HSPA4L: variants seen among roughly 807,000 people sequenced by gnomAD.
The protein encoded by HSPA4L is heat shock 70 kDa protein 4L.
Under a neutral mutation model 100.3 loss-of-function variants are expected in HSPA4L, and 48 were observed. That is an observed-to-expected ratio of 0.48 (90% confidence interval 0.38 to 0.61). HSPA4L has a LOEUF of 0.61. Ranked by LOEUF, HSPA4L falls within the 20% of genes least tolerant of loss-of-function variation. HSPA4L has a pLI of 0.00. For missense variants in HSPA4L, 886 were observed against 988.6 expected (o/e 0.90, Z 1.39); for synonymous variants, 319 against 328.2 (o/e 0.97, Z 0.30).
At chr4:127,822,484 T>G (rs563975641) in intron 14 of HSPA4L, among the ~76,000 whole-genome samples, 1 of 152,210 alleles carries the variant, frequency 6.6e-6, no homozygotes, top group Non-Finnish European at 1.5e-5. Flanking sequence ...CATACAAATA[T>G]CTGTTCAAGT....
chr4:127,834,983 A>C lies in HSPA4L; in HGVS notation c.*2109A>C, dbSNP rs1428706547. 1.3e-5 allele frequency: 2 copies of C among 152,172 alleles called. No homozygotes were observed. Among genetic ancestry groups the C allele is most frequent in the Non-Finnish European group, 2.9e-5 (2 of 68,020 alleles). 9.4% of individuals were successfully genotyped at this position (152,172 alleles called of 1,614,324 possible). On this transcript the variant is annotated 3_prime_UTR_variant, in exon 19 of 19. Transcript: ENST00000296464. ...CAAATATATATACTTTTTCTACCCA[A>C]TTATTCAACTTAAAAGATTTCAAAA... is the stretch of plus-strand genomic sequence containing the variant.
rs888696089 is a variant in HSPA4L, at chr4:127,835,401, T to C, written c.*2527T>C. 2.0e-5 allele frequency: 3 copies of C among 152,194 alleles called. No individual in the cohort carries two copies. The highest frequency in any genetic ancestry group is 6.5e-5 in the Admixed American group (1 of 15,274). 9.4% of individuals were successfully genotyped at this position (152,194 alleles called of 1,614,324 possible). A position where few individuals can be genotyped will look rare whatever the true frequency, so the allele number is the denominator to read the frequency against. ...GTTTGTGATAATTCCTTAGCAGTAA[T>C]GTAAAATTATTAAGTTTTGGCCAGG... is the stretch of plus-strand genomic sequence containing the variant. On this transcript the variant is annotated 3_prime_UTR_variant, in exon 19 of 19. Coordinates refer to ENST00000296464, the MANE Select transcript of HSPA4L (RefSeq NM_014278.4).
At chr4:127,808,214 T>G in intron 11 of HSPA4L, 85 bp downstream of exon 11, 1 of 1,150,586 alleles carries the variant, frequency 8.7e-7, no homozygotes, top group Non-Finnish European at 1.2e-6. Context: ...AATAGACATT[T>G]CAGCTAAGCC....
upstream of HSPA4L, chr4:127,782,261 C>G (rs1390145058): frequency 2.3e-6 from 1 of 428,114 alleles, no homozygotes; most frequent in Non-Finnish European, 4.3e-6. Flanking sequence ...GCGCGCCTCC[C>G]GGGCAGCCGA....
At position 127,822,804 on chromosome 4, in the gene HSPA4L, A is replaced by G; in HGVS notation, c.1848A>G (p.Glu616=). ...KMIMQDKLEK[E]RNDAKNAVEE... ...TCATGCAAGATAAGTTAGAGAAAGA[A>G]AGAAATGATGCTAAGAATGCCGTTG... Residue 616 remains glutamate, a synonymous_variant, in exon 15 of 19, where the codon GAA becomes GAG. Coordinates refer to ENST00000296464, the MANE Select transcript of HSPA4L (RefSeq NM_014278.4). 6.2e-7 allele frequency: 1 copy of G among 1,613,882 alleles called. No homozygotes were observed. The highest frequency in any genetic ancestry group is 1.1e-5 in the South Asian group (1 of 91,068).
At chr4:127,802,613 G>GT (rs3836724) in intron 6 of HSPA4L, among the ~76,000 whole-genome samples, 1 of 152,102 alleles carries the variant, frequency 6.6e-6, no homozygotes, top group East Asian at 1.9e-4. Context: ...TAAAAAGAAC[G>GT]TTTTTTTCCT....
chr4:127,801,675 A>G, intron 5 of HSPA4L, 110 bp from the exon 6 acceptor site: 1 of 776,414 alleles, frequency 1.3e-6, no homozygotes, highest in Non-Finnish European at 1.9e-6. Flanking sequence ...CTTTGAAGAT[A>G]ATAATATGTA....
At chr4:127,819,818 C>T (rs886745399) in intron 13 of HSPA4L, among the ~76,000 whole-genome samples, 8 of 151,976 alleles carry the variant, frequency 5.3e-5, no homozygotes, top group African/African-American at 1.9e-4. Context: ...TTTTTATGGC[C>T]GAATAATACG....
At chr4:127,824,159 TC>T (rs1733885516) in intron 16 of HSPA4L, among the ~76,000 whole-genome samples, 3 of 152,230 alleles carry the variant, frequency 2.0e-5, no homozygotes, top group Non-Finnish European at 4.4e-5. Flanking sequence ...CTAAGTTGTC[TC>T]AAATGACAGG....
In HSPA4L at chr4:127,784,275, A is replaced by G. The variant is rs949400619; in HGVS notation, c.107+1618A>G. Among the ~76,000 whole-genome samples, 16 of 152,246 alleles carry G rather than the reference A, an allele frequency of 1.1e-4. 1 individual carries two copies. The highest frequency in any genetic ancestry group is 7.9e-4 in the Admixed American group (12 of 15,282). ...TTTTAGTCCTTAAAGCCATATCCTAAAAGATCAGAAACCAGAACAGTAAGA... is the reference window on the plus strand; with the variant it reads ...TTTTAGTCCTTAAAGCCATATCCTAGAAGATCAGAAACCAGAACAGTAAGA... On this transcript the variant is annotated intron_variant, in intron 1 of 18. Coordinates refer to ENST00000296464, the MANE Select transcript of HSPA4L (RefSeq NM_014278.4).
rs1365283331 is a variant in HSPA4L, at chr4:127,832,849, C to T, written c.2495C>T (p.Ser832Phe). 1 of 1,606,382 alleles carries T rather than the reference C, an allele frequency of 6.2e-7. No homozygotes were observed. Among genetic ancestry groups the T allele is most frequent in the African/African-American group, 1.3e-5 (1 of 74,730 alleles). Reference sequence around the variant, plus strand: ...AAAGACAGCTCACAGCATACTAAATCCTCTGGAGAGATGGAAGTGGACTAA... The same window carrying T: ...AAAGACAGCTCACAGCATACTAAATTCTCTGGAGAGATGGAAGTGGACTAA... ...STKDSSQHTKSSGEMEVD is the reference protein window; with the variant it reads ...STKDSSQHTKFSGEMEVD The change falls in exon 19 of 19, where the codon TCC becomes TTC. Residue 832 changes from serine to phenylalanine, a missense_variant. Coordinates refer to ENST00000296464, the MANE Select transcript of HSPA4L (RefSeq NM_014278.4).
At chr4:127,807,350 A>G (rs1419121519) in intron 10 of HSPA4L, among the ~76,000 whole-genome samples, 1 of 152,088 alleles carries the variant, frequency 6.6e-6, no homozygotes, top group Non-Finnish European at 1.5e-5. Flanking sequence ...ACATTGTTGT[A>G]TCAACTGAAA....
Position 127,811,453 on chromosome 4 carries a change from G to A in HSPA4L, c.1395G>A (p.Gln465=). 1.2e-6 allele frequency: 2 copies of A among 1,613,846 alleles called. No homozygotes were observed. The highest frequency in any genetic ancestry group is 1.7e-6 in the Non-Finnish European group (2 of 1,179,860). Residue 465 remains glutamine (Q), a synonymous_variant, in exon 12 of 19, where the codon CAG becomes CAA. Coordinates refer to ENST00000296464, the MANE Select transcript of HSPA4L (RefSeq NM_014278.4). ...PDARIGSFTI[Q]NVFPQSDGDS... ...TTCCTTAAGGGAGCTTCACTATTCA[G>A]AATGTTTTTCCACAGTCTGATGGTG...
intron 12 of HSPA4L, chr4:127,813,125 G>C: frequency 1.5e-6 from 2 of 1,367,330 alleles, no homozygotes; most frequent in Non-Finnish European, 2.1e-6. Flanking sequence ...GTGGCCAAAG[G>C]AATAACTCCA....
chr4:127,803,650 C>T lies in HSPA4L; in HGVS notation c.685C>T (p.Pro229Ser), dbSNP rs1733257798. The T allele has an allele frequency of 6.2e-7, 1 of 1,612,806 alleles. No individual in the cohort carries two copies. Among genetic ancestry groups the T allele is most frequent in the Non-Finnish European group, 8.5e-7 (1 of 1,179,534 alleles). ...KLKVLATTFD[P>S]YLGGRNFDEA... is the part of the protein sequence containing the mutation. Reference sequence around the variant, plus strand: ...ACAGGTCTTGGCTACTACCTTTGATCCATATTTGGGTGGCAGGAACTTTGA... The same window carrying T: ...ACAGGTCTTGGCTACTACCTTTGATTCATATTTGGGTGGCAGGAACTTTGA... Residue 229 changes from proline to serine, a missense_variant, in exon 7 of 19, where the codon CCA (proline) becomes TCA (serine). Transcript: ENST00000296464.
intron 18 of HSPA4L, among the ~76,000 whole-genome samples, chr4:127,832,001 T>A (rs1232315009): frequency 2.6e-5 from 4 of 152,068 alleles, no homozygotes; most frequent in Non-Finnish European, 5.9e-5. Context: ...CAAGAGCAGT[T>A]TGCAACTAAA....
chr4:127,797,078 TAAG>T (rs111252299), intron 3 of HSPA4L, among the ~76,000 whole-genome samples: 25 of 152,282 alleles, frequency 1.6e-4, no homozygotes, highest in African/African-American at 5.5e-4. Context: ...TGAATCGTAG[TAAG>T]GAGACAGGAG....
intron 1 of HSPA4L, among the ~76,000 whole-genome samples, chr4:127,787,611 C>T (rs1732754470): frequency 6.6e-6 from 1 of 152,072 alleles, no homozygotes; most frequent in African/African-American, 2.4e-5. Context: ...TTTCTTTTCA[C>T]CTCAAAATAT....
At chr4:127,804,243 G>A (rs1162547502) in intron 8 of HSPA4L, among the ~76,000 whole-genome samples, 156 bp downstream of exon 8, 3 of 152,056 alleles carry the variant, frequency 2.0e-5, no homozygotes, top group African/African-American at 7.2e-5. Context: ...ATTCATAAGA[G>A]TAAGGCAGTA....
Sources: allele counts gnomAD v4.1 joint callset (sites outside exome capture counted in the v4.1 genomes callset), GRCh38; gene constraint gnomAD v4.1.1; transcripts MANE v1.5; gene names NCBI Gene and HGNC (gene_info 2026-07-23, HGNC 2026-07-21).